MGAT4C: variants seen among roughly 807,000 people sequenced by gnomAD.
The protein encoded by MGAT4C is MGAT4 family member C, also known as alpha-1,3-mannosyl-glycoprotein 4-beta-N-acetylglucosaminyltransferase C.
In MGAT4C, 19 loss-of-function variants were observed where a neutral mutation model predicts 40.1. The observed-to-expected ratio is 0.47, with a 90% confidence interval of 0.33 to 0.70. The LOEUF is 0.70. MGAT4C is among the 30% of genes least tolerant of loss of function. The pLI is 0.02. For missense variants in MGAT4C, 491 were observed against 563.2 expected, an observed-to-expected ratio of 0.87 and a Z score of 1.30; for synonymous variants, 181 against 187.1, an observed-to-expected ratio of 0.97 and a Z score of 0.27.
At chr12:86,711,407 T>C (rs1180453395) in intron 2 of MGAT4C, among the ~76,000 whole-genome samples, 2 of 152,036 alleles carry the variant, frequency 1.3e-5, no homozygotes, top group Non-Finnish European at 2.9e-5. Context: ...TACGGGGAGA[T>C]GGGCACATTG....
intron 1 of MGAT4C, among the ~76,000 whole-genome samples, chr12:86,146,472 G>C (rs558303039): frequency 6.6e-6 from 1 of 152,226 alleles, no homozygotes; most frequent in African/African-American, 2.4e-5. Context: ...CCCCTGGACT[G>C]AGAATTGGAA....
upstream of MGAT4C, among the ~76,000 whole-genome samples, chr12:86,260,996 G>T (rs138950329): frequency 8.7e-3 from 1,314 of 151,880 alleles, 7 homozygotes; most frequent in South Asian, 0.028. Context: ...TCAAATGAAG[G>T]TTTTGTTCAT....
chr12:86,784,842 G>A (rs1425799384), intron 1 of MGAT4C, among the ~76,000 whole-genome samples: 1 of 151,814 alleles, frequency 6.6e-6, no homozygotes, highest in Non-Finnish European at 1.5e-5. Context: ...ATTAGAGGAA[G>A]GAAAATATCA....
intron 2 of MGAT4C, among the ~76,000 whole-genome samples, chr12:86,012,775 A>AACAACAACC (rs1444012027): frequency 2.6e-5 from 3 of 115,356 alleles, no homozygotes; most frequent in Non-Finnish European, 5.9e-5. Flanking sequence ...CAACAACAAC[A>AACAACAACC]ACAACCACCA....
chr12:86,668,944 T>G (rs1964182891), intron 2 of MGAT4C, among the ~76,000 whole-genome samples: 1 of 152,152 alleles, frequency 6.6e-6, no homozygotes, highest in Admixed American at 6.5e-5. Flanking sequence ...CCTACTCTTC[T>G]GGACCAGCAG....
At chr12:86,726,348 G>C (rs1950821516) in intron 2 of MGAT4C, among the ~76,000 whole-genome samples, 1 of 152,320 alleles carries the variant, frequency 6.6e-6, no homozygotes, top group East Asian at 1.9e-4. Context: ...TGACAGGTCT[G>C]ATAGAGATCC....
intron 1 of MGAT4C, among the ~76,000 whole-genome samples, chr12:86,096,166 G>A (rs569165743): frequency 6.6e-6 from 1 of 151,680 alleles, no homozygotes; most frequent in South Asian, 2.1e-4. Flanking sequence ...TTCCTTATAA[G>A]TATTTCATCA....
At chr12:86,516,497 A>G (rs1236992425) in intron 2 of MGAT4C, among the ~76,000 whole-genome samples, 2 of 152,188 alleles carry the variant, frequency 1.3e-5, no homozygotes. Flanking sequence ...TCCAAAATGT[A>G]AGTGCTAAAA....
At chr12:86,777,574 G>T (rs1042143212) in intron 1 of MGAT4C, among the ~76,000 whole-genome samples, 5 of 152,166 alleles carry the variant, frequency 3.3e-5, no homozygotes, top group Admixed American at 6.5e-5. Context: ...GGTTGGAAAT[G>T]TACCAAGTAG....
chr12:86,128,723 C>T (rs1018700674), intron 1 of MGAT4C, among the ~76,000 whole-genome samples: 2 of 151,946 alleles, frequency 1.3e-5, no homozygotes, highest in Non-Finnish European at 2.9e-5. Context: ...AAAATATGAG[C>T]CAGAGTTTAG....
In MGAT4C at chr12:85,973,596, T is replaced by C. The variant is rs1883743035; in HGVS notation, c.*5693A>G. On this transcript the variant is annotated 3_prime_UTR_variant, in exon 5 of 5. Coordinates refer to ENST00000611864, the MANE Select transcript of MGAT4C (RefSeq NM_001351288.2). ...TTTATTATTATGTCTTTGGCTCACC[T>C]ACTTTAAGGAGATGGCTACTTAGGG... The C allele has an allele frequency of 6.6e-6, 1 of 150,918 alleles. No individual in the cohort carries two copies. The highest frequency in any genetic ancestry group is 1.9e-4 in the East Asian group (1 of 5,188). 9.3% of individuals were successfully genotyped at this position (150,918 alleles called of 1,614,324 possible).
At chr12:86,309,432 G>A (rs1008298372) in intron 4 of MGAT4C, among the ~76,000 whole-genome samples, 1 of 152,178 alleles carries the variant, frequency 6.6e-6, no homozygotes, top group Non-Finnish European at 1.5e-5. Context: ...CAGGCATCTG[G>A]CTTGGGCCTT....
intron 2 of MGAT4C, among the ~76,000 whole-genome samples, chr12:86,692,910 C>G (rs1002617363): frequency 5.3e-5 from 8 of 152,014 alleles, no homozygotes; most frequent in Admixed American, 5.2e-4. Flanking sequence ...GAATATCAAG[C>G]AGAGGGGAAT....
At chr12:86,021,524 T>C (rs1048357785) in intron 2 of MGAT4C, among the ~76,000 whole-genome samples, 2 of 136,212 alleles carry the variant, frequency 1.5e-5, no homozygotes, top group Admixed American at 8.6e-5. Context: ...TACTCATAGG[T>C]GGGAATTGAA....
intron 1 of MGAT4C, among the ~76,000 whole-genome samples, chr12:86,057,215 T>C (rs1893493946): frequency 6.6e-6 from 1 of 152,108 alleles, no homozygotes; most frequent in Admixed American, 6.6e-5. Flanking sequence ...TCTAGCTCTG[T>C]GGTTCAGGCT....
chr12:86,656,317 A>G (rs1357369083), intron 2 of MGAT4C, among the ~76,000 whole-genome samples: 1 of 152,058 alleles, frequency 6.6e-6, no homozygotes, highest in Non-Finnish European at 1.5e-5. Flanking sequence ...ATATTTAACA[A>G]TAAAAACATT....
intron 4 of MGAT4C, among the ~76,000 whole-genome samples, chr12:86,328,882 T>C (rs1338961198): frequency 1.3e-5 from 2 of 151,792 alleles, no homozygotes; most frequent in South Asian, 4.2e-4. Context: ...AAGGTGGGCA[T>C]ATCACGAGGT....
chr12:86,076,992 C>T (rs1869862627), intron 1 of MGAT4C, among the ~76,000 whole-genome samples: 1 of 152,172 alleles, frequency 6.6e-6, no homozygotes, highest in African/African-American at 2.4e-5. Flanking sequence ...AGGCCAGTCT[C>T]TCTTTTCACT....
intron 1 of MGAT4C, among the ~76,000 whole-genome samples, chr12:86,227,000 C>T (rs1195701117): frequency 6.6e-6 from 1 of 151,868 alleles, no homozygotes; most frequent in African/African-American, 2.4e-5. Context: ...TCTTTAAACT[C>T]CTTTCAGTGA....
Sources: allele counts gnomAD v4.1 joint callset (sites outside exome capture counted in the v4.1 genomes callset), GRCh38; gene constraint gnomAD v4.1.1; transcripts MANE v1.5; gene names NCBI Gene and HGNC (gene_info 2026-07-23, HGNC 2026-07-21).